PTPRG: variants seen among roughly 807,000 people sequenced by gnomAD.
PTPRG encodes the protein receptor-type tyrosine-protein phosphatase gamma.
A neutral mutation model predicts 165.3 loss-of-function variants in PTPRG; 102 were observed. The ratio of observed to expected loss-of-function variants is 0.62; its 90% CI spans 0.53 to 0.73. PTPRG has a LOEUF of 0.73. Ranked by LOEUF, PTPRG falls within the 30% of genes least tolerant of loss-of-function variation. The probability of loss-of-function intolerance (pLI) is 0.00; values close to 1 mark genes in which losing one functional copy is unlikely to be tolerated. For synonymous variants in PTPRG, 675 were observed against 669.5 expected (o/e 1.01, Z -0.13); for missense variants, 1,866 against 1,861.4 (o/e 1.00, Z -0.05).
intron 1 of PTPRG, among the ~76,000 whole-genome samples, chr3:61,694,160 G>A (rs1383039529): frequency 1.3e-5 from 2 of 152,136 alleles, no homozygotes; most frequent in Non-Finnish European, 2.9e-5. Context: ...TGAATACAGG[G>A]AAGAATGCAT....
chr3:61,563,473 C>T (rs1258933677), intron 1 of PTPRG, among the ~76,000 whole-genome samples: 3 of 152,112 alleles, frequency 2.0e-5, no homozygotes, highest in Non-Finnish European at 2.9e-5. Context: ...CGGGCAGCAG[C>T]CCCGAGCTCC....
In PTPRG at chr3:62,203,905, G is replaced by C. The variant is rs565961396; in HGVS notation, c.2110G>C (p.Gly704Arg). Reference sequence around the variant, plus strand: ...GCCATCTAAAAAGCCTATGTCCCGCGGGGACCGATTTTCTGAAGACAGCAG... The same window carrying C: ...GCCATCTAAAAAGCCTATGTCCCGCCGGGACCGATTTTCTGAAGACAGCAG... ...EMPSKKPMSR[G>R]DRFSEDSRFI... The change falls in exon 12 of 30, where the codon GGG becomes CGG. Residue 704 changes from glycine (G) to arginine (R), a missense_variant. Physicochemically the swap from Gly to Arg is moderately radical, Grantham distance 125 (BLOSUM62 -2). This residue lies in a region of PTPRG where 1,452 missense variants were observed against 1,463.0 expected (regional missense o/e 0.99). Coordinates refer to ENST00000474889, the MANE Select transcript of PTPRG (RefSeq NM_002841.4). The surrounding 1 kb of genome is among the most constrained non-coding windows in gnomAD (Gnocchi z 6.4). The C allele has an allele frequency of 1.9e-6, 3 of 1,602,238 alleles. No individual in the cohort carries two copies. In the African/African-American group the frequency reaches 4.0e-5, roughly 22 times the overall value.
chr3:62,016,534 A>G (rs1451545460), intron 4 of PTPRG, among the ~76,000 whole-genome samples: 1 of 152,088 alleles, frequency 6.6e-6, no homozygotes, highest in Non-Finnish European at 1.5e-5. Flanking sequence ...CAATCCATCT[A>G]TTTTGTTTCT....
At chr3:61,932,611 T>A (rs1481887923) in intron 2 of PTPRG, among the ~76,000 whole-genome samples, 1 of 152,200 alleles carries the variant, frequency 6.6e-6, no homozygotes, top group African/African-American at 2.4e-5. Flanking sequence ...AAGCTAGCAT[T>A]GTAGTGCATT....
chr3:61,888,321 T>G (rs552017765), intron 2 of PTPRG, among the ~76,000 whole-genome samples: 1 of 142,018 alleles, frequency 7.0e-6, no homozygotes, highest in Non-Finnish European at 1.5e-5. Flanking sequence ...GAAAATGGGT[T>G]GTTTTTTTTG....
chr3:62,225,984 T>C (rs763394841), intron 13 of PTPRG, among the ~76,000 whole-genome samples: 5 of 152,188 alleles, frequency 3.3e-5, no homozygotes, highest in South Asian at 2.1e-4. Flanking sequence ...CTATGTACCA[T>C]ACTAGACATG....
intron 4 of PTPRG, among the ~76,000 whole-genome samples, chr3:62,066,409 G>C (rs1326177009): frequency 6.6e-6 from 1 of 152,154 alleles, no homozygotes; most frequent in Non-Finnish European, 1.5e-5. Context: ...GAATTTATAG[G>C]TCCATTTATC....
At chr3:62,090,633 G>T (rs1399622652) in intron 5 of PTPRG, among the ~76,000 whole-genome samples, 2 of 152,188 alleles carry the variant, frequency 1.3e-5, no homozygotes, top group Non-Finnish European at 2.9e-5. Flanking sequence ...TTCAGTGTCT[G>T]ACTCTCTTTG....
chr3:61,841,165 T>C (rs747090247), intron 2 of PTPRG, among the ~76,000 whole-genome samples: 13 of 152,158 alleles, frequency 8.5e-5, no homozygotes, highest in Non-Finnish European at 1.6e-4. Context: ...TCAACGTATA[T>C]ATTGGGACCG....
chr3:61,799,291 A>G (rs1164324277), intron 2 of PTPRG, among the ~76,000 whole-genome samples: 1 of 151,898 alleles, frequency 6.6e-6, no homozygotes, highest in African/African-American at 2.4e-5. Flanking sequence ...ATTAAAGTTC[A>G]TACTTAATCT....
At chr3:61,672,009 GGTT>G (rs1703019324) in intron 1 of PTPRG, among the ~76,000 whole-genome samples, 1 of 123,228 alleles carries the variant, frequency 8.1e-6, no homozygotes, top group South Asian at 2.9e-4. Flanking sequence ...CAGACGGGGC[GGTT>G]GCCAGGCAGA....
intron 2 of PTPRG, among the ~76,000 whole-genome samples, chr3:61,752,785 C>CAAAAAAAAAAAAAAAAAAAAAAAAA (rs749817659): frequency 2.9e-5 from 2 of 69,988 alleles, no homozygotes; most frequent in Non-Finnish European, 2.5e-5. Context: ...AAGACTGTCT[C>CAAAAAAAAAAAAAAAAAAAAAAAAA]AAAAAAAAAA....
intron 2 of PTPRG, among the ~76,000 whole-genome samples, chr3:61,935,103 GC>G (rs1270043602): frequency 1.3e-5 from 2 of 152,018 alleles, no homozygotes; most frequent in African/African-American, 4.8e-5. Context: ...GAAGAGAGCT[GC>G]CACGTGCAGC....
At chr3:62,257,923 C>T (rs1239549732) in intron 16 of PTPRG, among the ~76,000 whole-genome samples, 1 of 152,096 alleles carries the variant, frequency 6.6e-6, no homozygotes, top group Admixed American at 6.5e-5. Flanking sequence ...ATGACCGTAC[C>T]ACTGCACTCC....
chr3:62,095,433 C>T (rs1303106551), intron 5 of PTPRG, among the ~76,000 whole-genome samples: 2 of 152,134 alleles, frequency 1.3e-5, no homozygotes, highest in Admixed American at 6.5e-5. Context: ...TACCATCCTG[C>T]GTTCTCAATG....
chr3:61,839,576 G>A (rs529169283), intron 2 of PTPRG, among the ~76,000 whole-genome samples: 2 of 152,222 alleles, frequency 1.3e-5, no homozygotes, highest in South Asian at 4.2e-4. Context: ...TGAAAAGATA[G>A]GAATTTGCTT....
At chr3:62,072,958 A>T (rs1701258413) in intron 4 of PTPRG, among the ~76,000 whole-genome samples, 1 of 152,140 alleles carries the variant, frequency 6.6e-6, no homozygotes. Flanking sequence ...TCTGTGCTTG[A>T]TAGGAGTTGC....
intron 1 of PTPRG, among the ~76,000 whole-genome samples, chr3:61,638,755 T>TA (rs926202650): frequency 6.6e-6 from 1 of 152,014 alleles, no homozygotes; most frequent in African/African-American, 2.4e-5. Flanking sequence ...GCCTACTTTT[T>TA]AATAAGGTTG....
At chr3:62,089,657 G>A (rs1384980272) in intron 5 of PTPRG, among the ~76,000 whole-genome samples, 2 of 152,120 alleles carry the variant, frequency 1.3e-5, no homozygotes, top group Non-Finnish European at 2.9e-5. Flanking sequence ...GGGTCTGTTG[G>A]GAGCTATGAG....
Sources: allele counts gnomAD v4.1 joint callset (sites outside exome capture counted in the v4.1 genomes callset), GRCh38; gene constraint gnomAD v4.1.1; regional missense constraint gnomAD v4.1.1; non-coding constraint Gnocchi (gnomAD v3.1); transcripts MANE v1.5; gene names NCBI Gene and HGNC (gene_info 2026-07-23, HGNC 2026-07-21).